The following DNAJC17 variants were observed in gnomAD, a reference collection of about 807,000 sequenced individuals.
The protein encoded by DNAJC17 is dnaJ homolog subfamily C member 17.
In DNAJC17, 35 loss-of-function variants were observed where a neutral mutation model predicts 48.1. The observed-to-expected ratio is 0.73, with a 90% confidence interval of 0.56 to 0.96. The LOEUF (loss-of-function observed/expected upper bound fraction) is 0.96, where lower values mean the gene tolerates loss of function less well. Among genes scored for constraint, DNAJC17 ranks in the 50% least tolerant of loss-of-function variants. The pLI is 0.00. For missense variants in DNAJC17, 355 were observed against 377.1 expected (o/e 0.94, Z 0.48); for synonymous variants, 117 against 142.7 (o/e 0.82, Z 1.28).
intron 7 of DNAJC17, 52 bp downstream of exon 7, chr15:40,775,501 G>T: frequency 6.3e-7 from 1 of 1,595,206 alleles, no homozygotes; most frequent in Non-Finnish European, 8.6e-7. Flanking sequence ...TATTCCTGCT[G>T]AGGGGAGGCG....
At chr15:40,807,028 TCA>T in intron 1 of DNAJC17, 2 of 556,492 alleles carry the variant, frequency 3.6e-6, no homozygotes, top group South Asian at 2.3e-5. Flanking sequence ...GCACCTCTTG[TCA>T]CAGTCAAGGC....
At chr15:40,772,408 G>A (rs966330888) in intron 10 of DNAJC17, 1 of 167,174 alleles carries the variant, frequency 6.0e-6, no homozygotes, top group African/African-American at 2.4e-5. Context: ...TATAGGTACC[G>A]AGCTGTGGAT....
rs1472258095 is a variant in DNAJC17, at chr15:40,768,033, C to A, written c.822G>T (p.Glu274Asp). 1.3e-5 allele frequency: 20 copies of A among 1,590,926 alleles called. No homozygotes were observed. In the South Asian group the frequency reaches 1.7e-4, roughly 14 times the overall value. Residue 274 changes from glutamate (E) to aspartate (D), a missense_variant, in exon 11 of 11, where the codon GAG becomes GAT. Around this residue, in one of 3 missense-constraint regions of DNAJC17, gnomAD observed 88 missense variants for 67.7 expected, o/e 1.30. Transcript: ENST00000220496. Reference protein sequence around the residue: ...KGSVLSERDYESLVMMRMRQA... With the variant: ...KGSVLSERDYDSLVMMRMRQA... The stretch of plus-strand genomic sequence containing the variant: ...GGCGCATGCGCATCATGACGAGGCT[C>A]TCGTAGTCCCTCTCTGACAGCACTG...
At chr15:40,803,194 C>T (rs973003970) in intron 1 of DNAJC17, among the ~76,000 whole-genome samples, 5 of 151,644 alleles carry the variant, frequency 3.3e-5, no homozygotes, top group Admixed American at 2.6e-4. Flanking sequence ...GGTTCCTTCA[C>T]CCAGTTCCTG....
At chr15:40,791,760 G>A (rs889040959) in intron 1 of DNAJC17, among the ~76,000 whole-genome samples, 16 of 152,046 alleles carry the variant, frequency 1.1e-4, no homozygotes, top group African/African-American at 1.9e-4. Context: ...CAGGAGAATC[G>A]CTTGAACTCA....
In DNAJC17 at chr15:40,765,242, TG is replaced by T. The variant is rs1888923469; in HGVS notation, c.*2697del. The T allele has an allele frequency of 6.6e-6, 1 of 152,234 alleles. No homozygotes were observed. 9.4% of individuals were successfully genotyped at this position (152,234 alleles called of 1,614,324 possible). A position where few individuals can be genotyped will look rare whatever the true frequency, so the allele number is the denominator to read the frequency against. ...TTTAAAGTGTACAATTCAGTGTTGT[TG>T]TTTCTTTAGTGTACTCAGAGTTGTG... On this transcript the variant is annotated 3_prime_UTR_variant, in exon 11 of 11. Coordinates refer to ENST00000220496, the MANE Select transcript of DNAJC17 (RefSeq NM_018163.3).
chr15:40,770,836 T>G lies in DNAJC17; in HGVS notation c.793-2774A>C. On this transcript the variant is annotated intron_variant, in intron 10 of 10. Transcript: ENST00000220496. This position sits in a 1 kb window ranked among gnomAD's most constrained non-coding sequence, Gnocchi z 5.0. Reference sequence around the variant, plus strand: ...TACTCTGCCACCCTGCCATCGGCGCTCTCTCTGTCGAGTGCCCTCCACCAG... The same window carrying G: ...TACTCTGCCACCCTGCCATCGGCGCGCTCTCTGTCGAGTGCCCTCCACCAG... The G allele has an allele frequency of 6.4e-7, 1 of 1,551,282 alleles. No individual in the cohort carries two copies. Among genetic ancestry groups the G allele is most frequent in the Non-Finnish European group, 8.7e-7 (1 of 1,146,944 alleles).
At chr15:40,799,912 C>T (rs1031157204) in intron 1 of DNAJC17, among the ~76,000 whole-genome samples, 5 of 152,062 alleles carry the variant, frequency 3.3e-5, no homozygotes, top group South Asian at 2.1e-4. Context: ...TGCAGTGGCA[C>T]AATCATAGCG....
chr15:40,779,987 G>C lies in DNAJC17; in HGVS notation c.89C>G (p.Ala30Gly). ...EKAADKEVKK[A>G]YRQKALSCHP... ...GCAGGAGAGGGCCTTCTGCCTATAC[G>C]CCTTCTTTACCTGGAAGAGTCAGAC... The change falls in exon 2 of 11, where the codon GCG becomes GGG. Residue 30 changes from alanine to glycine, a missense_variant. Coordinates refer to ENST00000220496, the MANE Select transcript of DNAJC17 (RefSeq NM_018163.3). 1 of 1,613,988 alleles carries C rather than the reference G, an allele frequency of 6.2e-7. No individual in the cohort carries two copies. Among genetic ancestry groups the C allele is most frequent in the Non-Finnish European group, 8.5e-7 (1 of 1,179,968 alleles).
intron 3 of DNAJC17, 47 bp from the exon 4 acceptor site, chr15:40,779,357 A>C (rs1348580505): frequency 1.9e-6 from 3 of 1,605,960 alleles, no homozygotes; most frequent in Admixed American, 3.3e-5. Flanking sequence ...GAGAGAGTAA[A>C]GACAGAGCCC....
chr15:40,799,856 TTTTTA>T (rs1890033207), intron 1 of DNAJC17, among the ~76,000 whole-genome samples: 1 of 152,172 alleles, frequency 6.6e-6, no homozygotes. Flanking sequence ...CTCTTTTTAC[TTTTTA>T]TTTTTAGAGA....
Position 40,776,252 on chromosome 15 carries a change from T to G in DNAJC17, c.422A>C (p.Glu141Ala). 1.2e-6 allele frequency: 2 copies of G among 1,614,144 alleles called. No homozygotes were observed. The highest frequency in any genetic ancestry group is 1.7e-6 in the Non-Finnish European group (2 of 1,180,012). ...CTGCTCCCGGATGAGCCTCTGCTGT[T>G]CCTCCAGCTGCCGGGAACCCTCTTC... is the stretch of plus-strand genomic sequence containing the variant. ...LREEGSRQLE[E>A]QQRLIREQIR... Residue 141 changes from glutamate to alanine, a missense_variant, in exon 6 of 11, where the codon GAA (glutamate) becomes GCA (alanine). Glu to Ala is a moderately radical substitution (Grantham distance 107). Around this residue, in one of 3 missense-constraint regions of DNAJC17, gnomAD observed 199 missense variants for 199.9 expected, o/e 1.00. Coordinates refer to ENST00000220496, the MANE Select transcript of DNAJC17 (RefSeq NM_018163.3).
intron 9 of DNAJC17, 96 bp from the exon 10 acceptor site, chr15:40,773,933 C>T: frequency 8.9e-7 from 1 of 1,125,746 alleles, no homozygotes; most frequent in Non-Finnish European, 1.3e-6. Context: ...AGCGTTCTAG[C>T]CCTCTAAGCA....
Position 40,779,227 on chromosome 15 carries a change from C to A in DNAJC17, c.291G>T (p.Lys97Asn). The A allele has an allele frequency of 6.2e-7, 1 of 1,614,130 alleles. No homozygotes were observed. The highest frequency in any genetic ancestry group is 8.5e-7 in the Non-Finnish European group (1 of 1,180,038). ...GAGCACTATGATGGCACCTACCAAGCTTCACTTTCTTCCTTTTCTCATCAA... is the reference window on the plus strand; with the variant it reads ...GAGCACTATGATGGCACCTACCAAGATTCACTTTCTTCCTTTTCTCATCAA... Reference protein sequence around the residue: ...QKLDEKRKKVKLDLEARERQA... With the variant: ...QKLDEKRKKVNLDLEARERQA... Residue 97 changes from lysine (K) to asparagine (N), a missense_variant, in exon 4 of 11, where the codon AAG becomes AAT. Lys to Asn is a moderately conservative substitution (Grantham distance 94). Coordinates refer to ENST00000220496, the MANE Select transcript of DNAJC17 (RefSeq NM_018163.3).
chr15:40,792,383 G>A, intron 1 of DNAJC17: 1 of 855,858 alleles, frequency 1.2e-6, no homozygotes, highest in African/African-American at 1.8e-5. Flanking sequence ...CTGATAAATA[G>A]ACTTAAGCTT....
At chr15:40,780,552 G>A (rs1412815074) in intron 1 of DNAJC17, 2 of 359,580 alleles carry the variant, frequency 5.6e-6, no homozygotes, top group Admixed American at 3.7e-5. Context: ...GGTGGCTCAC[G>A]CCTGTCATCC....
intron 1 of DNAJC17, among the ~76,000 whole-genome samples, chr15:40,793,214 T>C (rs1444197541): frequency 6.6e-6 from 1 of 152,172 alleles, no homozygotes; most frequent in Non-Finnish European, 1.5e-5. Flanking sequence ...TTCTAACTGC[T>C]GCAATATATT....
intron 10 of DNAJC17, chr15:40,771,037 G>A: frequency 5.8e-6 from 9 of 1,548,260 alleles, no homozygotes; most frequent in Non-Finnish European, 7.0e-6. Flanking sequence ...GGGTGAGGGT[G>A]GGCAAAGCCG....
Position 40,767,479 on chromosome 15 carries a change from C to G in DNAJC17, c.*461G>C, listed in dbSNP as rs1016812849. ...AATCATCACCGCCATGGGCCCAGCC[C>G]CAAAGGGCAGTGAATGGCCTTCTCT... is the stretch of plus-strand genomic sequence containing the variant. On this transcript the variant is annotated 3_prime_UTR_variant, in exon 11 of 11. Transcript: ENST00000220496. 96 of 1,104,232 alleles carry G rather than the reference C, an allele frequency of 8.7e-5. No individual in the cohort carries two copies. The highest frequency in any genetic ancestry group is 3.7e-4 in the Admixed American group (12 of 32,654). 68.4% of individuals were successfully genotyped at this position (1,104,232 alleles called of 1,614,324 possible). A position where few individuals can be genotyped will look rare whatever the true frequency, so the allele number is the denominator to read the frequency against.
Sources: gnomAD v4.1 joint callset for allele counts (sites outside exome capture counted in the v4.1 genomes callset) on GRCh38, gnomAD v4.1.1 for gene constraint, gnomAD v4.1.1 regional missense constraint, Gnocchi (gnomAD v3.1) non-coding constraint, MANE v1.5 for transcripts, NCBI Gene and HGNC (gene_info 2026-07-23, HGNC 2026-07-21) for gene names.